Variants in STAU2 observed in about 807,000 individuals in gnomAD.
The protein encoded by STAU2 is double-stranded RNA-binding protein Staufen homolog 2.
Under a neutral mutation model 65.9 loss-of-function variants are expected in STAU2, and 20 were observed. The ratio of observed to expected loss-of-function variants is 0.30; its 90% CI spans 0.21 to 0.44. The LOEUF (loss-of-function observed/expected upper bound fraction) is 0.44. STAU2 is among the 20% of genes least tolerant of loss of function. The pLI is 1.00. For missense variants in STAU2, 558 were observed against 683.9 expected, an observed-to-expected ratio of 0.82 and a Z score of 2.05; for synonymous variants, 232 against 233.9, an observed-to-expected ratio of 0.99 and a Z score of 0.07.
At chr8:73,644,580 G>T (rs539736639) in intron 6 of STAU2, among the ~76,000 whole-genome samples, 1 of 152,166 alleles carries the variant, frequency 6.6e-6, no homozygotes, top group South Asian at 2.1e-4. Context: ...AAAGAAAGCA[G>T]AAGGTAGTAA....
intron 4 of STAU2, among the ~76,000 whole-genome samples, chr8:73,690,431 G>A (rs7828445): frequency 0.32 from 49,186 of 151,418 alleles, 9,383 homozygotes; most frequent in African/African-American, 0.52. Context: ...GAAAAAAGCT[G>A]TAAAGGACAT....
chr8:73,535,876 T>G lies in STAU2; in HGVS notation c.1530+16136A>C, dbSNP rs568420919. The stretch of plus-strand genomic sequence containing the variant: ...CTCTACTATTTCTAATGTATTACAA[T>G]TCTATTGTATTGAATATCACTTCAA... On this transcript the variant is annotated intron_variant, in intron 13 of 14. Coordinates refer to ENST00000524300, the MANE Select transcript of STAU2 (RefSeq NM_001164380.2). 9.8e-4 allele frequency among the ~76,000 whole-genome samples: 149 copies of G among 152,314 alleles called. 1 individual carries two copies. The highest frequency in any genetic ancestry group is 3.4e-3 in the African/African-American group (143 of 41,578).
At chr8:73,606,250 T>A (rs962560167) in intron 9 of STAU2, among the ~76,000 whole-genome samples, 1 of 151,580 alleles carries the variant, frequency 6.6e-6, no homozygotes. Context: ...AAAATAAACA[T>A]AATAAATCTT....
chr8:73,668,737 A>T (rs1187831248), intron 6 of STAU2, among the ~76,000 whole-genome samples: 2 of 150,842 alleles, frequency 1.3e-5, no homozygotes, highest in Non-Finnish European at 3.0e-5. Flanking sequence ...GCATAATAAA[A>T]GGAGACAGGT....
chr8:73,649,760 C>T (rs907366149), intron 6 of STAU2, among the ~76,000 whole-genome samples: 1 of 150,696 alleles, frequency 6.6e-6, no homozygotes, highest in Non-Finnish European at 1.5e-5. Flanking sequence ...AAACACAACG[C>T]TTTAGATGTC....
chr8:73,478,305 T>TAAAAA (rs10660977), intron 13 of STAU2, among the ~76,000 whole-genome samples: 2 of 77,508 alleles, frequency 2.6e-5, no homozygotes, highest in African/African-American at 4.5e-5. Flanking sequence ...ACTGATGAGC[T>TAAAAA]AAAAAAAAAA....
At chr8:73,580,563 A>ATT (rs375668244) in intron 12 of STAU2, among the ~76,000 whole-genome samples, 430 of 152,342 alleles carry the variant, frequency 2.8e-3, no homozygotes, top group Non-Finnish European at 4.0e-3. Context: ...CAAACTTAAG[A>ATT]AACTGATTAA....
chr8:73,660,552 C>T (rs1485060076), intron 6 of STAU2, among the ~76,000 whole-genome samples: 2 of 152,202 alleles, frequency 1.3e-5, no homozygotes, highest in African/African-American at 4.8e-5. Context: ...TACTTGAATA[C>T]TAACTCTGTG....
chr8:73,423,776 T>C (rs1391446492), intron 13 of STAU2, among the ~76,000 whole-genome samples: 2 of 152,226 alleles, frequency 1.3e-5, no homozygotes, highest in Non-Finnish European at 2.9e-5. Context: ...TACAGAAAAC[T>C]TGGGCAGGTA....
At chr8:73,588,755 C>T (rs190521609) in intron 11 of STAU2, among the ~76,000 whole-genome samples, 3 of 152,148 alleles carry the variant, frequency 2.0e-5, no homozygotes, top group African/African-American at 7.2e-5. Flanking sequence ...AGACACTACA[C>T]CAGTATAAAG....
At chr8:73,423,937 T>C (rs1266410544) in intron 13 of STAU2, among the ~76,000 whole-genome samples, 1 of 152,206 alleles carries the variant, frequency 6.6e-6, no homozygotes, top group Non-Finnish European at 1.5e-5. Context: ...AAGGGTTCAC[T>C]CTGTGTGGTA....
Position 73,673,226 on chromosome 8 carries a change from A to C in STAU2, c.291T>G (p.Thr97=). Reference sequence around the variant, plus strand: ...TCATAGCAAGCCCATTCAGTTCCACAGTTGGAGTTATACTGCCTGTTTAAA... The same window carrying C: ...TCATAGCAAGCCCATTCAGTTCCACCGTTGGAGTTATACTGCCTGTTTAAA... ...VNNNPGSITP[T]VELNGLAMKR... The change falls in exon 6 of 15, where the codon ACT becomes ACG. Residue 97 remains threonine (T), a synonymous_variant. Coordinates refer to ENST00000524300, the MANE Select transcript of STAU2 (RefSeq NM_001164380.2). 1 of 1,591,976 alleles carries C rather than the reference A, an allele frequency of 6.3e-7. No individual in the cohort carries two copies. The highest frequency in any genetic ancestry group is 1.2e-5 in the South Asian group (1 of 86,652).
In STAU2 at chr8:73,634,797, C is replaced by A. The variant is rs190987805; in HGVS notation, c.411-17346G>T. Among the ~76,000 whole-genome samples the A allele has an allele frequency of 6.6e-5, 10 of 152,296 alleles. No homozygotes were observed. In the East Asian group the frequency reaches 1.5e-3, roughly 23 times the overall value. ...GACATCCTCAAGGCTCACTCTCTCACCTTCTTAAAGTCTTCGCTCAAATCT... is the reference window on the plus strand; with the variant it reads ...GACATCCTCAAGGCTCACTCTCTCAACTTCTTAAAGTCTTCGCTCAAATCT... On this transcript the variant is annotated intron_variant, in intron 6 of 14. Coordinates refer to ENST00000524300, the MANE Select transcript of STAU2 (RefSeq NM_001164380.2).
rs574589035 is a variant in STAU2 at position 73,706,955 on chromosome 8, A to G, written c.114+2077T>C. Among the ~76,000 whole-genome samples the G allele has an allele frequency of 2.6e-5, 4 of 152,366 alleles. No individual in the cohort carries two copies. The South Asian group carries it at 8.3e-4, about 32-fold the overall frequency. ...TCTTAATGAAAACCAAATCCTCCTA[A>G]GAGTCCTCCAGAAACTTCCCAGGTA... On this transcript the variant is annotated intron_variant, in intron 4 of 14. Transcript: ENST00000524300.
At chr8:73,475,839 A>C (rs1820296569) in intron 13 of STAU2, among the ~76,000 whole-genome samples, 1 of 152,218 alleles carries the variant, frequency 6.6e-6, no homozygotes, top group African/African-American at 2.4e-5. Context: ...CCTAACTGCT[A>C]AACCAATTTA....
At chr8:73,426,169 C>A (rs1352236588) in intron 13 of STAU2, among the ~76,000 whole-genome samples, 1 of 147,512 alleles carries the variant, frequency 6.8e-6, no homozygotes, top group Non-Finnish European at 1.5e-5. Context: ...AGGTAACCTG[C>A]TTTTTTTTTT....
intron 12 of STAU2, among the ~76,000 whole-genome samples, chr8:73,560,871 A>T (rs965274861): frequency 6.6e-6 from 1 of 152,226 alleles, no homozygotes; most frequent in Non-Finnish European, 1.5e-5. Flanking sequence ...TTAGTCAAAT[A>T]AAAGTGCGAG....
intron 13 of STAU2, among the ~76,000 whole-genome samples, chr8:73,526,118 T>C (rs191530944): frequency 6.6e-6 from 1 of 152,320 alleles, no homozygotes; most frequent in Non-Finnish European, 1.5e-5. Context: ...TTATTTTTGG[T>C]TGGGCTCATT....
chr8:73,667,984 G>A (rs986094941), intron 6 of STAU2, among the ~76,000 whole-genome samples: 7 of 152,232 alleles, frequency 4.6e-5, no homozygotes, highest in East Asian at 1.9e-4. Flanking sequence ...TGTACCCTGC[G>A]GAGTAGTTTG....
Sources: allele counts gnomAD v4.1 joint callset (sites outside exome capture counted in the v4.1 genomes callset), GRCh38; gene constraint gnomAD v4.1.1; transcripts MANE v1.5; gene names NCBI Gene and HGNC (gene_info 2026-07-23, HGNC 2026-07-21).